The following FAT3 variants were observed in gnomAD, a reference collection of about 807,000 sequenced individuals.
FAT3 encodes the protein FAT atypical cadherin 3.
A neutral mutation model predicts 310.2 loss-of-function variants in FAT3; 95 were observed. That is an observed-to-expected ratio of 0.31 (90% CI 0.26 to 0.36). FAT3 has a LOEUF of 0.36. Among genes scored for constraint, FAT3 ranks in the 10% least tolerant of loss-of-function variants. FAT3 has a pLI of 1.00. For synonymous variants in FAT3, 2,314 were observed against 2,192.9 expected, an observed-to-expected ratio of 1.06 and a Z score of -1.54; for missense variants, 5,408 against 5,715.6, an observed-to-expected ratio of 0.95 and a Z score of 1.74.
intron 1 of FAT3, among the ~76,000 whole-genome samples, chr11:92,327,534 G>A (rs561248223): frequency 7.2e-5 from 11 of 152,276 alleles, no homozygotes; most frequent in Non-Finnish European, 1.0e-4. Context: ...TAAAAGATGC[G>A]TTTTCTTTAA....
At chr11:92,666,103 C>T (rs987573309) in intron 3 of FAT3, among the ~76,000 whole-genome samples, 1 of 152,218 alleles carries the variant, frequency 6.6e-6, no homozygotes, top group Middle Eastern at 3.2e-3. Flanking sequence ...TTAACCATCT[C>T]ACTTGATACA....
intron 3 of FAT3, among the ~76,000 whole-genome samples, chr11:92,622,244 A>T (rs1160135867): frequency 6.6e-6 from 1 of 151,836 alleles, no homozygotes; most frequent in South Asian, 2.1e-4. Flanking sequence ...ATATCATGCC[A>T]CTGGACTCCA....
At chr11:92,467,074 A>T (rs1000388102) in intron 2 of FAT3, among the ~76,000 whole-genome samples, 2 of 152,092 alleles carry the variant, frequency 1.3e-5, no homozygotes, top group Non-Finnish European at 2.9e-5. Context: ...AGCATGATTT[A>T]TAGTCTTTTG....
At chr11:92,551,445 T>TGTGTGTGTGTGTG (rs370180754) in intron 3 of FAT3, among the ~76,000 whole-genome samples, 8 of 151,356 alleles carry the variant, frequency 5.3e-5, no homozygotes, top group Non-Finnish European at 8.8e-5. Context: ...TGTGTGTGTG[T>TGTGTGTGTGTGTG]TTTCTCATCA....
At chr11:92,314,356 G>T in intron 1 of FAT3, 1 of 906,564 alleles carries the variant, frequency 1.1e-6, no homozygotes, top group Non-Finnish European at 1.3e-6. Context: ...TTTTACATTT[G>T]TAAAAAAACA....
rs774913714 is a variant in FAT3, at chr11:92,799,027, A to G, written c.6014A>G (p.Asn2005Ser). The stretch of plus-strand genomic sequence containing the variant: ...AACATAACCAAAGTTGCTATTGTCA[A>G]TGCAGTTGGAAATCGCCTTAATGAG... ...NTNITKVAIV[N>S]AVGNRLNEPL... is the part of the protein sequence containing the mutation. The change falls in exon 10 of 28, where the codon AAT becomes AGT. Residue 2005 changes from asparagine (N) to serine (S), a missense_variant. Around this residue, in one of 5 missense-constraint regions of FAT3, gnomAD observed 4,588 missense variants for 4,809.8 expected, o/e 0.95. Transcript: ENST00000525166. The G allele has an allele frequency of 3.0e-5, 48 of 1,613,806 alleles. No homozygotes were observed. The highest frequency in any genetic ancestry group is 3.8e-5 in the Non-Finnish European group (45 of 1,179,880).
At chr11:92,613,423 T>C (rs1327087172) in intron 3 of FAT3, among the ~76,000 whole-genome samples, 1 of 152,174 alleles carries the variant, frequency 6.6e-6, no homozygotes, top group African/African-American at 2.4e-5. Context: ...AGTTTAAAAA[T>C]AACACAATTA....
intron 3 of FAT3, among the ~76,000 whole-genome samples, chr11:92,581,549 T>TA (rs967669687): frequency 6.6e-6 from 1 of 152,072 alleles, no homozygotes; most frequent in African/African-American, 2.4e-5. Context: ...TACCCCTTCT[T>TA]ATGCACACAT....
chr11:92,874,846 C>T (rs4753422), intron 22 of FAT3, among the ~76,000 whole-genome samples: 126,597 of 152,104 alleles, frequency 0.83, 53,008 homozygotes, highest in African/African-American at 0.91. Context: ...GCCTAGTATA[C>T]GCTCTTGAAC....
chr11:92,596,097 A>G (rs1321406047), intron 3 of FAT3, among the ~76,000 whole-genome samples: 1 of 152,182 alleles, frequency 6.6e-6, no homozygotes, highest in Non-Finnish European at 1.5e-5. Context: ...CTCACTCAGG[A>G]CAACCACTTT....
intron 2 of FAT3, among the ~76,000 whole-genome samples, chr11:92,473,370 C>T (rs1951961393): frequency 6.6e-6 from 1 of 152,128 alleles, no homozygotes; most frequent in Non-Finnish European, 1.5e-5. Flanking sequence ...TCAAATCCAT[C>T]AGCCACCATC....
intron 1 of FAT3, among the ~76,000 whole-genome samples, chr11:92,320,826 C>T (rs924794728): frequency 3.3e-5 from 5 of 150,986 alleles, no homozygotes; most frequent in East Asian, 2.0e-4. Flanking sequence ...GCTGAGATTG[C>T]GCCATTGCAC....
At chr11:92,523,072 G>T (rs1298108827) in intron 2 of FAT3, among the ~76,000 whole-genome samples, 1 of 152,118 alleles carries the variant, frequency 6.6e-6, no homozygotes, top group Non-Finnish European at 1.5e-5. Context: ...TAGTCATCCT[G>T]GTGGTCTTAT....
chr11:92,373,760 G>GCACACACACACA (rs57651290), intron 2 of FAT3, among the ~76,000 whole-genome samples: 10 of 130,076 alleles, frequency 7.7e-5, no homozygotes, highest in African/African-American at 1.9e-4. Flanking sequence ...AGATATGTAT[G>GCACACACACACA]CACACACACA....
At chr11:92,656,997 A>G (rs1227511926) in intron 3 of FAT3, among the ~76,000 whole-genome samples, 1 of 152,140 alleles carries the variant, frequency 6.6e-6, no homozygotes, top group Non-Finnish European at 1.5e-5. Flanking sequence ...GGTGGGGAGA[A>G]ACAGCTGTGG....
chr11:92,320,506 G>C (rs1947586766), intron 1 of FAT3, among the ~76,000 whole-genome samples: 1 of 152,158 alleles, frequency 6.6e-6, no homozygotes, highest in Non-Finnish European at 1.5e-5. Flanking sequence ...GTGTGTGGTG[G>C]TTAAGATAGC....
chr11:92,862,504 C>T (rs983575141), intron 21 of FAT3, among the ~76,000 whole-genome samples: 27 of 152,196 alleles, frequency 1.8e-4, no homozygotes, highest in African/African-American at 6.0e-4. Flanking sequence ...ATTTTATTTT[C>T]GGGGGAAGTT....
At chr11:92,847,508 T>G (rs1277707602) in intron 19 of FAT3, among the ~76,000 whole-genome samples, 8 of 152,186 alleles carry the variant, frequency 5.3e-5, no homozygotes, top group Non-Finnish European at 1.0e-4. Context: ...AATGTGATTT[T>G]CCTAGCAGAA....
At chr11:92,701,543 TTGGAAGTCTGTTATG>T (rs1944096842) in intron 4 of FAT3, among the ~76,000 whole-genome samples, 1 of 152,238 alleles carries the variant, frequency 6.6e-6, no homozygotes, top group African/African-American at 2.4e-5. Flanking sequence ...CTTGCCTGGT[TTGGAAGTCTGTTATG>T]TGAAAATATT....
Sources: gnomAD v4.1 joint callset for allele counts (sites outside exome capture counted in the v4.1 genomes callset) on GRCh38, gnomAD v4.1.1 for gene constraint, gnomAD v4.1.1 regional missense constraint, MANE v1.5 for transcripts, NCBI Gene and HGNC (gene_info 2026-07-23, HGNC 2026-07-21) for gene names.